The following NDFIP2 variants were observed in gnomAD, a reference collection of about 807,000 sequenced individuals.
NDFIP2 encodes Nedd4 family interacting protein 2, also known as NEDD4 family-interacting protein 2.
Under a neutral mutation model 36.0 loss-of-function variants are expected in NDFIP2, and 19 were observed. The ratio of observed to expected loss-of-function variants is 0.53; its 90% CI spans 0.37 to 0.77. NDFIP2 has a LOEUF of 0.77. NDFIP2 is among the 30% of genes least tolerant of loss of function. NDFIP2 has a pLI of 0.00. For missense variants in NDFIP2, 446 were observed against 435.8 expected (o/e 1.02, Z -0.21); for synonymous variants, 181 against 167.7 (o/e 1.08, Z -0.61).
chr13:79,510,325 C>G (rs192936879), intron 1 of NDFIP2, among the ~76,000 whole-genome samples: 3 of 150,904 alleles, frequency 2.0e-5, no homozygotes, highest in South Asian at 4.2e-4. Flanking sequence ...ATCCACTGAC[C>G]GTAGCCTACT....
intron 4 of NDFIP2, among the ~76,000 whole-genome samples, chr13:79,543,005 T>G (rs1875520564): frequency 6.6e-6 from 1 of 152,148 alleles, no homozygotes; most frequent in Non-Finnish European, 1.5e-5. Flanking sequence ...GCTTCCCAAG[T>G]AGCTGGGATT....
At chr13:79,484,950 A>G (rs1872905659) in intron 1 of NDFIP2, among the ~76,000 whole-genome samples, 2 of 152,220 alleles carry the variant, frequency 1.3e-5, no homozygotes, top group South Asian at 2.1e-4. Flanking sequence ...AAAGACTGGT[A>G]CATGATAAAT....
At chr13:79,482,594 G>A (rs192860105) in intron 1 of NDFIP2, among the ~76,000 whole-genome samples, 57 of 149,610 alleles carry the variant, frequency 3.8e-4, no homozygotes, top group African/African-American at 1.3e-3. Flanking sequence ...GTTAGTCCCA[G>A]GTTTCAACTT....
At chr13:79,496,044 T>C (rs1873422894) in intron 1 of NDFIP2, among the ~76,000 whole-genome samples, 1 of 151,996 alleles carries the variant, frequency 6.6e-6, no homozygotes, top group Non-Finnish European at 1.5e-5. Context: ...GATAATGTTA[T>C]AATTTTTGTC....
intron 2 of NDFIP2, among the ~76,000 whole-genome samples, chr13:79,530,000 A>G (rs1242780352): frequency 6.6e-6 from 1 of 152,192 alleles, no homozygotes; most frequent in Admixed American, 6.5e-5. Flanking sequence ...ACATATCTTA[A>G]TTTAAAACTT....
chr13:79,523,628 A>G (rs949776861), intron 2 of NDFIP2, among the ~76,000 whole-genome samples: 2 of 152,322 alleles, frequency 1.3e-5, no homozygotes, highest in East Asian at 3.9e-4. Flanking sequence ...AGTTATGGCA[A>G]TACTGTAATA....
chr13:79,481,444 G>A lies in NDFIP2; in HGVS notation c.241G>A (p.Glu81Lys), dbSNP rs1010218706. Residue 81 changes from glutamate to lysine, a missense_variant, in exon 1 of 8, where the codon GAA (glutamate) becomes AAA (lysine). Glu to Lys is a moderately conservative substitution (Grantham distance 56). Transcript: ENST00000218652. ...GGTGGCCGTGGGAGCTGAGCACGGA[G>A]AAGACTCCCTCTCTCGGAAGCCGGA... ...TGVAVGAEHGEDSLSRKPDPE... is the reference protein window; with the variant it reads ...TGVAVGAEHGKDSLSRKPDPE... 3.8e-6 allele frequency: 6 copies of A among 1,562,270 alleles called. No homozygotes were observed. Among genetic ancestry groups the A allele is most frequent in the South Asian group, 1.2e-5 (1 of 84,838 alleles).
intron 7 of NDFIP2, 60 bp from the exon 8 acceptor site, chr13:79,552,456 C>T (rs1414597088): frequency 6.6e-6 from 1 of 151,706 alleles, no homozygotes; most frequent in East Asian, 1.9e-4. Context: ...TTGTATTATA[C>T]TATGATTTAG....
chr13:79,535,743 T>G (rs1041189198), intron 3 of NDFIP2, among the ~76,000 whole-genome samples: 1 of 152,180 alleles, frequency 6.6e-6, no homozygotes, highest in Non-Finnish European at 1.5e-5. Context: ...AATTGGTCAA[T>G]GCTTGAAAAT....
intron 7 of NDFIP2, among the ~76,000 whole-genome samples, chr13:79,551,882 A>T (rs1166214199): frequency 6.6e-6 from 1 of 151,398 alleles, no homozygotes; most frequent in Non-Finnish European, 1.5e-5. Context: ...AGGTAAACTT[A>T]TAAAGCATTT....
At position 79,537,092 on chromosome 13, in the gene NDFIP2, G is replaced by A. The variant is rs541102215; in HGVS notation, c.622-2590G>A. Reference sequence around the variant, plus strand: ...AATGATGACTTTTGATAAAATTTCTGTATTGATTTTTTGGTGGTGGTTGTT... The same window carrying A: ...AATGATGACTTTTGATAAAATTTCTATATTGATTTTTTGGTGGTGGTTGTT... On this transcript the variant is annotated intron_variant, in intron 3 of 7. Transcript: ENST00000218652. Among the ~76,000 whole-genome samples, 12 of 150,468 alleles carry A rather than the reference G, an allele frequency of 8.0e-5. No individual in the cohort carries two copies. The East Asian group carries it at 2.1e-3, about 27-fold the overall frequency.
chr13:79,539,109 A>G (rs1875361176), intron 3 of NDFIP2, among the ~76,000 whole-genome samples: 1 of 152,212 alleles, frequency 6.6e-6, no homozygotes, highest in African/African-American at 2.4e-5. Flanking sequence ...GTCTCCTAAC[A>G]TAGTCTGCTG....
intron 1 of NDFIP2, among the ~76,000 whole-genome samples, chr13:79,507,708 T>C (rs1018185905): frequency 6.6e-6 from 1 of 152,070 alleles, no homozygotes; most frequent in African/African-American, 2.4e-5. Flanking sequence ...CAGGATCAAC[T>C]TTTTTTAAAA....
intron 5 of NDFIP2, among the ~76,000 whole-genome samples, chr13:79,545,810 C>T (rs947430294): frequency 1.2e-4 from 18 of 152,120 alleles, no homozygotes; most frequent in African/African-American, 3.1e-4. Context: ...CATCTTGGCT[C>T]ACTGCAACCT....
At chr13:79,513,099 G>T (rs1874140726) in intron 1 of NDFIP2, among the ~76,000 whole-genome samples, 1 of 152,122 alleles carries the variant, frequency 6.6e-6, no homozygotes, top group Non-Finnish European at 1.5e-5. Context: ...ACCTACCTTT[G>T]ACCCAGGTAT....
intron 2 of NDFIP2, among the ~76,000 whole-genome samples, chr13:79,523,116 C>G (rs1470036252): frequency 1.3e-5 from 2 of 152,192 alleles, no homozygotes; most frequent in African/African-American, 4.8e-5. Context: ...CCCCCTTATC[C>G]AAGGGAGATG....
intron 1 of NDFIP2, among the ~76,000 whole-genome samples, chr13:79,501,717 C>T (rs1873675834): frequency 2.0e-5 from 3 of 152,116 alleles, no homozygotes; most frequent in African/African-American, 7.2e-5. Flanking sequence ...TTGGCATTTG[C>T]TATGCTTCCT....
chr13:79,481,489 G>T lies in NDFIP2; in HGVS notation c.286G>T (p.Asp96Tyr). 1 of 1,559,636 alleles carries T rather than the reference G, an allele frequency of 6.4e-7. No homozygotes were observed. The highest frequency in any genetic ancestry group is 8.7e-7 in the Non-Finnish European group (1 of 1,151,454). The change falls in exon 1 of 8, where the codon GAT (aspartate) becomes TAT (tyrosine). Residue 96 changes from aspartate (D) to tyrosine (Y), a missense_variant. Asp to Tyr is a radical substitution (Grantham distance 160, BLOSUM62 -3). Around this residue, in one of 2 missense-constraint regions of NDFIP2, gnomAD observed 369 missense variants for 304.8 expected, o/e 1.21. Coordinates refer to ENST00000218652, the MANE Select transcript of NDFIP2 (RefSeq NM_019080.3). ...GCCGGATCCCGAGCCGGGCAGGATG[G>T]ATCACCACCAGCCGGGGACTGGGCG... ...RKPDPEPGRM[D>Y]HHQPGTGRYQ...
intron 1 of NDFIP2, among the ~76,000 whole-genome samples, chr13:79,482,140 A>G (rs1566651178): frequency 7.7e-6 from 1 of 129,508 alleles, no homozygotes; most frequent in Non-Finnish European, 1.7e-5. Flanking sequence ...TTTTTTGGTA[A>G]TCCCCACTTT....
Sources: gnomAD v4.1 joint callset for allele counts (sites outside exome capture counted in the v4.1 genomes callset) on GRCh38, gnomAD v4.1.1 for gene constraint, gnomAD v4.1.1 regional missense constraint, MANE v1.5 for transcripts, NCBI Gene and HGNC (gene_info 2026-07-23, HGNC 2026-07-21) for gene names.